Variants in TMEM217 observed in about 807,000 individuals in gnomAD.
TMEM217 encodes chromosome 6 open reading frame 128.
For missense variants in TMEM217, 204 were observed against 248.8 expected (o/e 0.82, Z 1.21); for synonymous variants, 76 against 88.3 (o/e 0.86, Z 0.78).
intron 1 of TMEM217, among the ~76,000 whole-genome samples, chr6:37,225,503 A>G (rs1289107802): frequency 1.3e-5 from 2 of 152,200 alleles, no homozygotes; most frequent in African/African-American, 4.8e-5. Flanking sequence ...AAAAAAATAA[A>G]AAGAGTGGAA....
chr6:37,235,431 T>C (rs1368642827), intron 1 of TMEM217, among the ~76,000 whole-genome samples: 2 of 152,182 alleles, frequency 1.3e-5, no homozygotes, highest in Non-Finnish European at 2.9e-5. Context: ...AGTGGTGCCA[T>C]CTCGGCTCAC....
chr6:37,215,351 C>A, downstream of TMEM217: 2 of 1,535,770 alleles, frequency 1.3e-6, no homozygotes, highest in Non-Finnish European at 8.8e-7. Context: ...TTGAGGCAGG[C>A]GGATCACGAG....
intron 1 of TMEM217, among the ~76,000 whole-genome samples, chr6:37,229,947 A>AT (rs1764103790): frequency 6.6e-6 from 1 of 152,122 alleles, no homozygotes; most frequent in Non-Finnish European, 1.5e-5. Context: ...GGCTAGCGGG[A>AT]CCCTTCTTGG....
intron 1 of TMEM217, among the ~76,000 whole-genome samples, chr6:37,228,565 G>A (rs1373057274): frequency 2.6e-5 from 4 of 152,144 alleles, no homozygotes; most frequent in Non-Finnish European, 5.9e-5. Flanking sequence ...TTAGCCAGAC[G>A]TGGTGGCATG....
At chr6:37,240,941 T>A (rs1218919159) in intron 1 of TMEM217, among the ~76,000 whole-genome samples, 2 of 152,168 alleles carry the variant, frequency 1.3e-5, no homozygotes, top group Non-Finnish European at 2.9e-5. Context: ...AATTTTTGTA[T>A]CTTATTGATT....
intron 1 of TMEM217, among the ~76,000 whole-genome samples, chr6:37,244,306 C>T (rs1041464357): frequency 2.6e-5 from 4 of 152,204 alleles, no homozygotes; most frequent in South Asian, 2.1e-4. Flanking sequence ...CTCTTACTGT[C>T]GTAGTTTTGC....
At chr6:37,212,183 T>G in exon 4 of TMEM217, 1 of 288,846 alleles carries the variant, frequency 3.5e-6, no homozygotes, top group Non-Finnish European at 6.8e-6. Context: ...ACCAGTGAGA[T>G]GGTTAAGTAA....
chr6:37,229,597 C>T (rs1764080707), intron 1 of TMEM217, among the ~76,000 whole-genome samples: 1 of 152,134 alleles, frequency 6.6e-6, no homozygotes, highest in African/African-American at 2.4e-5. Context: ...CCGCCTCCGC[C>T]TCCCAAAGTG....
At chr6:37,237,096 C>T (rs1168004112) in intron 1 of TMEM217, among the ~76,000 whole-genome samples, 2 of 152,170 alleles carry the variant, frequency 1.3e-5, no homozygotes, top group Non-Finnish European at 2.9e-5. Flanking sequence ...AACACGTTTC[C>T]TGGACACTAT....
intron 1 of TMEM217, among the ~76,000 whole-genome samples, chr6:37,233,837 A>G (rs1186528962): frequency 1.3e-5 from 2 of 152,124 alleles, no homozygotes; most frequent in Non-Finnish European, 2.9e-5. Context: ...TTCGACTTAA[A>G]TTTTTTCCAC....
At chr6:37,219,154 G>A in intron 1 of TMEM217, 113 bp from the exon 2 acceptor site, 4 of 911,204 alleles carry the variant, frequency 4.4e-6, no homozygotes, top group Non-Finnish European at 4.9e-6. Flanking sequence ...ACAGAAATAC[G>A]AAAACTGGGA....
chr6:37,236,113 C>T (rs1764487883), intron 1 of TMEM217, among the ~76,000 whole-genome samples: 1 of 152,040 alleles, frequency 6.6e-6, no homozygotes, highest in South Asian at 2.1e-4. Context: ...CGTGTTTGAA[C>T]TGAAAAAAGT....
exon 2 of TMEM217, chr6:37,218,706 C>G (rs1264244258): frequency 3.1e-6 from 5 of 1,613,954 alleles, no homozygotes; most frequent in African/African-American, 2.7e-5. Context: ...TGTATTACGA[C>G]GTTTGCAGTT....
chr6:37,251,316 A>G (rs540242959), intron 1 of TMEM217, among the ~76,000 whole-genome samples: 7 of 152,384 alleles, frequency 4.6e-5, no homozygotes, highest in Admixed American at 1.3e-4. Flanking sequence ...CTGACCTATG[A>G]TATTTTGTTA....
exon 1 of TMEM217, chr6:37,257,625 C>T: frequency 4.6e-6 from 2 of 432,332 alleles, no homozygotes; most frequent in South Asian, 6.7e-5. Flanking sequence ...CTCGTCCAAG[C>T]TCCGCCTTCC....
chr6:37,217,221 G>A (rs1185948946), downstream of TMEM217, among the ~76,000 whole-genome samples: 1 of 152,222 alleles, frequency 6.6e-6, no homozygotes. Context: ...TTAAACCCGG[G>A]AGGCGGGGGT....
Position 37,257,845 on chromosome 6 carries a change from G to T in TMEM217, c.-289C>A. ...GGGAAGCGGCCTGGGTTGGCCCTCA[G>T]ATTGCGGGGTCTGGGGGCATCTCGC... On this transcript the variant is annotated 5_prime_UTR_variant, in exon 1 of 2. It adds an upstream start codon to the 5' untranslated region. Coordinates refer to ENST00000357219, the Ensembl canonical transcript of TMEM217. 1 of 1,550,210 alleles carries T rather than the reference G, an allele frequency of 6.5e-7. No homozygotes were observed. Among genetic ancestry groups the T allele is most frequent in the Non-Finnish European group, 8.8e-7 (1 of 1,141,202 alleles).
intron 1 of TMEM217, among the ~76,000 whole-genome samples, chr6:37,252,259 A>G (rs1024460359): frequency 2.1e-4 from 32 of 152,316 alleles, no homozygotes; most frequent in African/African-American, 7.0e-4. Flanking sequence ...CATGTAACAT[A>G]AAGTTCAAAT....
chr6:37,218,822 A>G, exon 2 of TMEM217: 1 of 1,614,206 alleles, frequency 6.2e-7, no homozygotes, highest in South Asian at 1.1e-5. Flanking sequence ...GAAAGACAGG[A>G]AGAGGACGAT....
Sources: allele counts gnomAD v4.1 joint callset (sites outside exome capture counted in the v4.1 genomes callset), GRCh38; gene constraint gnomAD v4.1.1; transcripts MANE v1.5; gene names NCBI Gene and HGNC (gene_info 2026-07-23, HGNC 2026-07-21).